The following SH3RF2 variants were observed in gnomAD, a reference collection of about 807,000 sequenced individuals.
The protein encoded by SH3RF2 is SH3 domain containing ring finger 2, also known as E3 ubiquitin-protein ligase SH3RF2.
A neutral mutation model predicts 59.0 loss-of-function variants in SH3RF2; 43 were observed. The observed-to-expected ratio is 0.73, with a 90% confidence interval of 0.57 to 0.94. The LOEUF (loss-of-function observed/expected upper bound fraction) is 0.94. Among genes scored for constraint, SH3RF2 ranks in the 40% least tolerant of loss-of-function variants. SH3RF2 has a pLI of 0.00. For missense variants in SH3RF2, 930 were observed against 940.1 expected, an observed-to-expected ratio of 0.99 and a Z score of 0.14; for synonymous variants, 391 against 391.5, an observed-to-expected ratio of 1.00 and a Z score of 0.01.
At chr5:145,987,444 A>T (rs1220935785) in intron 2 of SH3RF2, among the ~76,000 whole-genome samples, 1 of 152,250 alleles carries the variant, frequency 6.6e-6, no homozygotes, top group African/African-American at 2.4e-5. Context: ...CGGAGAAAAC[A>T]TTAAAATAAA....
intron 2 of SH3RF2, among the ~76,000 whole-genome samples, chr5:145,969,073 GCTAGAA>G (rs1758968281): frequency 6.6e-6 from 1 of 152,036 alleles, no homozygotes; most frequent in South Asian, 2.1e-4. Context: ...ATTCACTCAG[GCTAGAA>G]CTTACTTGCT....
At chr5:146,005,127 T>C (rs1410584268) in intron 4 of SH3RF2, among the ~76,000 whole-genome samples, 4 of 152,108 alleles carry the variant, frequency 2.6e-5, no homozygotes, top group African/African-American at 9.7e-5. Flanking sequence ...GAAATTAGCA[T>C]ATATTTATTA....
chr5:146,014,311 C>A (rs1315235836), intron 5 of SH3RF2, among the ~76,000 whole-genome samples: 1 of 152,154 alleles, frequency 6.6e-6, no homozygotes, highest in Non-Finnish European at 1.5e-5. Flanking sequence ...AGGGGTTAAA[C>A]AACTTATCCA....
chr5:145,962,200 C>A (rs1005331152), intron 2 of SH3RF2, among the ~76,000 whole-genome samples: 2 of 152,080 alleles, frequency 1.3e-5, no homozygotes, highest in African/African-American at 4.8e-5. Context: ...ATGTGGCCAC[C>A]CCTAAAGCCA....
At chr5:146,041,419 G>A (rs1189032419) in intron 5 of SH3RF2, among the ~76,000 whole-genome samples, 5 of 152,178 alleles carry the variant, frequency 3.3e-5, no homozygotes, top group African/African-American at 9.7e-5. Flanking sequence ...ACATGAGAAC[G>A]GAGCCCTGCG....
chr5:145,975,190 C>T (rs1759240984), intron 2 of SH3RF2, among the ~76,000 whole-genome samples: 11 of 152,198 alleles, frequency 7.2e-5, no homozygotes, highest in Admixed American at 7.2e-4. Context: ...TTTGCAATGT[C>T]CTGTTCTATT....
intron 3 of SH3RF2, among the ~76,000 whole-genome samples, chr5:146,002,047 T>G (rs10477294): frequency 0.066 from 10,051 of 152,256 alleles, 1,086 homozygotes; most frequent in African/African-American, 0.23. Flanking sequence ...ATTGGCTGAC[T>G]ACTAAAAGGG....
At chr5:145,976,665 A>G (rs1759308816) in intron 2 of SH3RF2, among the ~76,000 whole-genome samples, 1 of 152,230 alleles carries the variant, frequency 6.6e-6, no homozygotes, top group Non-Finnish European at 1.5e-5. Context: ...TGAGCTGGAT[A>G]GAATCCTAGA....
downstream of SH3RF2, among the ~76,000 whole-genome samples, chr5:146,064,866 G>GAAAGAA (rs1321804724): frequency 4.8e-5 from 4 of 83,984 alleles, no homozygotes; most frequent in Admixed American, 1.2e-4. Context: ...GAAAGAAAGA[G>GAAAGAA]AAAGAAAAAG....
At chr5:145,973,909 G>A (rs528056076) in intron 2 of SH3RF2, among the ~76,000 whole-genome samples, 1 of 152,326 alleles carries the variant, frequency 6.6e-6, no homozygotes, top group East Asian at 1.9e-4. Flanking sequence ...TTTCTATGCT[G>A]TGTAACAAAT....
At chr5:146,015,975 T>C (rs1418415279) in intron 5 of SH3RF2, among the ~76,000 whole-genome samples, 2 of 152,208 alleles carry the variant, frequency 1.3e-5, no homozygotes, top group African/African-American at 4.8e-5. Flanking sequence ...GTTCTTCCCT[T>C]TTCTCTAACA....
At position 146,013,970 on chromosome 5, in the gene SH3RF2, T is replaced by A. The variant is rs1442514190; in HGVS notation, c.968T>A (p.Ile323Asn). 2.5e-6 allele frequency: 4 copies of A among 1,613,968 alleles called. No individual in the cohort carries two copies. In the Admixed American group the frequency reaches 6.7e-5, roughly 27 times the overall value. ...CCTTCAGGGCGCCATATGGTAGAGA[T>A]CAGCACCCCAGTGCTCATCAGCTCC... ...HSPSGRHMVE[I>N]STPVLISSSN... The change falls in exon 5 of 10, where the codon ATC (isoleucine) becomes AAC (asparagine). Residue 323 changes from isoleucine (I) to asparagine (N), a missense_variant. Physicochemically the swap from Ile to Asn is moderately radical, Grantham distance 149 (BLOSUM62 -3). Transcript: ENST00000359120.
intron 2 of SH3RF2, chr5:145,997,925 TGC>T: frequency 1.2e-6 from 1 of 822,088 alleles, no homozygotes; most frequent in Non-Finnish European, 2.2e-6. Flanking sequence ...CCACCTCAGG[TGC>T]TACACAGTTT....
chr5:145,951,859 A>C (rs145372142), intron 2 of SH3RF2, among the ~76,000 whole-genome samples: 155 of 152,268 alleles, frequency 1.0e-3, no homozygotes, highest in African/African-American at 3.6e-3. Context: ...AAGTATTCCT[A>C]ACCTGGGGGA....
rs558717056 is a variant in SH3RF2, at chr5:146,033,451, C to CTTTTTTTTTTTT, written c.1060-14296_1060-14285dup. 1.5e-4 allele frequency among the ~76,000 whole-genome samples: 11 copies of CTTTTTTTTTTTT among 71,868 alleles called. 1 individual carries two copies. The highest frequency in any genetic ancestry group is 2.6e-4 in the Non-Finnish European group (11 of 41,774). 47.1% of individuals were successfully genotyped at this position (71,868 alleles called of 152,430 possible). A position where few individuals can be genotyped will look rare whatever the true frequency, so the allele number is the denominator to read the frequency against. ...AAAATCTATGAGCACTAGCCCTTAG[C>CTTTTTTTTTTTT]TTTTTTTTTTTTTTTTTTTTTTTTT... On this transcript the variant is annotated intron_variant, in intron 5 of 9. Transcript: ENST00000359120.
intron 5 of SH3RF2, among the ~76,000 whole-genome samples, chr5:146,034,556 T>A (rs949273459): frequency 2.0e-5 from 3 of 152,182 alleles, no homozygotes; most frequent in African/African-American, 4.8e-5. Flanking sequence ...TGAGCCTGTC[T>A]CACTGGGACC....
At chr5:146,060,324 A>C (rs1762843147) in intron 9 of SH3RF2, 100 bp downstream of exon 9, 2 of 1,156,222 alleles carry the variant, frequency 1.7e-6, no homozygotes, top group Admixed American at 2.5e-5. Context: ...AGGAACCAAA[A>C]TTGCAGCCTC....
At chr5:145,953,722 C>T (rs1157555992) in intron 2 of SH3RF2, among the ~76,000 whole-genome samples, 5 of 152,112 alleles carry the variant, frequency 3.3e-5, no homozygotes, top group South Asian at 2.1e-4. Flanking sequence ...CCTCCACCTT[C>T]GAGTAGACCC....
intron 4 of SH3RF2, among the ~76,000 whole-genome samples, chr5:146,005,875 T>C (rs528945188): frequency 6.7e-6 from 1 of 149,684 alleles, no homozygotes; most frequent in African/African-American, 2.5e-5. Context: ...AAAAAAAGCT[T>C]AGCAAGTGAA....
Sources: gnomAD v4.1 joint callset for allele counts (sites outside exome capture counted in the v4.1 genomes callset) on GRCh38, gnomAD v4.1.1 for gene constraint, MANE v1.5 for transcripts, NCBI Gene and HGNC (gene_info 2026-07-23, HGNC 2026-07-21) for gene names.